The following WWC2 variants were observed in gnomAD, a reference collection of about 807,000 sequenced individuals.
WWC2 encodes the protein protein WWC2.
A neutral mutation model predicts 138.5 loss-of-function variants in WWC2; 101 were observed. The observed-to-expected ratio is 0.73, with a 90% CI of 0.62 to 0.86. WWC2 has a LOEUF of 0.86. Ranked by LOEUF, WWC2 falls within the 40% of genes least tolerant of loss-of-function variation. The pLI is 0.00. For synonymous variants in WWC2, 558 were observed against 538.4 expected, an observed-to-expected ratio of 1.04 and a Z score of -0.50; for missense variants, 1,420 against 1,419.4, an observed-to-expected ratio of 1.00 and a Z score of -0.01.
intron 4 of WWC2, among the ~76,000 whole-genome samples, chr4:183,209,262 T>TG (rs1735530202): frequency 6.6e-6 from 1 of 152,180 alleles, no homozygotes; most frequent in African/African-American, 2.4e-5. Flanking sequence ...TTTGTTTGTT[T>TG]TTTTGAGATG....
chr4:183,223,579 A>G (rs1735986155), intron 4 of WWC2, among the ~76,000 whole-genome samples: 1 of 152,134 alleles, frequency 6.6e-6, no homozygotes, highest in Non-Finnish European at 1.5e-5. Context: ...AGAATTCTTT[A>G]TTGCTGTCCA....
At chr4:183,113,305 G>A (rs1732294692) in intron 1 of WWC2, among the ~76,000 whole-genome samples, 2 of 151,858 alleles carry the variant, frequency 1.3e-5, no homozygotes, top group African/African-American at 4.8e-5. Flanking sequence ...ATGAAATGAG[G>A]CAGAGAAGTA....
chr4:183,169,241 C>G (rs1734209315), intron 1 of WWC2, among the ~76,000 whole-genome samples: 1 of 152,212 alleles, frequency 6.6e-6, no homozygotes. Context: ...ATCATTGGCA[C>G]ATGAAACTTT....
intron 16 of WWC2, among the ~76,000 whole-genome samples, chr4:183,278,973 C>T (rs953654887): frequency 1.3e-5 from 2 of 151,524 alleles, no homozygotes; most frequent in African/African-American, 4.9e-5. Flanking sequence ...CCTTTATTTC[C>T]TTCTCCTGCC....
chr4:183,246,306 T>C (rs1261800754), intron 6 of WWC2, among the ~76,000 whole-genome samples: 1 of 152,174 alleles, frequency 6.6e-6, no homozygotes, highest in Non-Finnish European at 1.5e-5. Context: ...ATATTTGGAG[T>C]TCTTACTTAG....
chr4:183,180,618 G>GTGA (rs35697537), intron 1 of WWC2, among the ~76,000 whole-genome samples: 2 of 112 alleles, frequency 0.018, no homozygotes, highest in South Asian at 0.5. Context: ...TAAGCAAAAT[G>GTGA]TATCTGTGGA....
At chr4:183,180,501 A>G (rs1235431777) in intron 1 of WWC2, among the ~76,000 whole-genome samples, 2 of 151,478 alleles carry the variant, frequency 1.3e-5, no homozygotes, top group East Asian at 1.9e-4. Flanking sequence ...TATTTTATTT[A>G]TTTTTTGCCT....
At chr4:183,155,851 G>C (rs540669813) in intron 1 of WWC2, among the ~76,000 whole-genome samples, 2 of 152,174 alleles carry the variant, frequency 1.3e-5, no homozygotes, top group Admixed American at 1.3e-4. Flanking sequence ...ACCTTTTTCC[G>C]GTTCTGTCTG....
intron 1 of WWC2, among the ~76,000 whole-genome samples, chr4:183,129,832 G>A (rs1732866911): frequency 1.3e-5 from 2 of 152,116 alleles, no homozygotes; most frequent in South Asian, 2.1e-4. Flanking sequence ...GATGGCTTTT[G>A]TGATAGCTCT....
intron 1 of WWC2, among the ~76,000 whole-genome samples, chr4:183,182,681 T>A (rs909582723): frequency 1.3e-5 from 2 of 152,224 alleles, no homozygotes; most frequent in African/African-American, 2.4e-5. Flanking sequence ...CTGTTTTCTG[T>A]TAAGATATTC....
intron 1 of WWC2, among the ~76,000 whole-genome samples, chr4:183,192,854 G>GA (rs766705503): frequency 1.6e-4 from 24 of 149,320 alleles, no homozygotes; most frequent in East Asian, 3.9e-4. Flanking sequence ...AAGAGAGTGA[G>GA]AAAAAAAAAA....
intron 5 of WWC2, among the ~76,000 whole-genome samples, chr4:183,244,836 C>T (rs1351936474): frequency 2.0e-5 from 3 of 152,060 alleles, no homozygotes; most frequent in Admixed American, 2.0e-4. Context: ...AGGATCAGCA[C>T]TTGATAAGGT....
intron 21 of WWC2, among the ~76,000 whole-genome samples, chr4:183,289,864 G>A (rs1560889247): frequency 6.7e-6 from 1 of 150,300 alleles, no homozygotes; most frequent in Non-Finnish European, 1.5e-5. Flanking sequence ...AGCAGGGGAT[G>A]GGCGTGGCCA....
At chr4:183,248,911 T>G (rs372485200) in intron 7 of WWC2, 51 bp downstream of exon 7, 89 of 1,448,468 alleles carry the variant, frequency 6.1e-5, no homozygotes, top group Non-Finnish European at 7.3e-5. Flanking sequence ...TGATGGGCCT[T>G]AATTGCAATA....
chr4:183,119,543 G>GT (rs771584993), intron 1 of WWC2, among the ~76,000 whole-genome samples: 1 of 152,126 alleles, frequency 6.6e-6, no homozygotes, highest in Non-Finnish European at 1.5e-5. Context: ...TCAAGACGGG[G>GT]TATAAAGCCC....
rs1425033610 is a variant in WWC2, at chr4:183,269,172, C to G, written c.2400+9C>G. ...GAAGGGAAGAATGCCTGGTAGGATT[C>G]TTCATAATTCCCATTACCAAATAGC... On this transcript the variant is annotated intron_variant, in intron 15 of 22. Transcript: ENST00000403733. 7.5e-6 allele frequency: 12 copies of G among 1,593,844 alleles called. No homozygotes were observed. The highest frequency in any genetic ancestry group is 1.4e-5 in the African/African-American group (1 of 71,750).
At chr4:183,255,767 T>G (rs1737114554) in intron 9 of WWC2, among the ~76,000 whole-genome samples, 1 of 152,178 alleles carries the variant, frequency 6.6e-6, no homozygotes, top group Non-Finnish European at 1.5e-5. Flanking sequence ...AGATAGCAAT[T>G]TGTTCCTGAG....
chr4:183,226,534 G>A (rs1736078465), intron 4 of WWC2, among the ~76,000 whole-genome samples: 1 of 151,990 alleles, frequency 6.6e-6, no homozygotes. Context: ...ACTAAGCTTT[G>A]CATTAAAAAT....
intron 11 of WWC2, among the ~76,000 whole-genome samples, chr4:183,264,095 C>T (rs965182015): frequency 2.6e-5 from 4 of 152,208 alleles, no homozygotes; most frequent in South Asian, 2.1e-4. Context: ...GGGGGGTGGG[C>T]GGAGAGAAGG....
Sources: gnomAD v4.1 joint callset for allele counts (sites outside exome capture counted in the v4.1 genomes callset) on GRCh38, gnomAD v4.1.1 for gene constraint, MANE v1.5 for transcripts, NCBI Gene and HGNC (gene_info 2026-07-23, HGNC 2026-07-21) for gene names.